Variants in TNR observed in about 807,000 individuals in gnomAD.
TNR encodes the protein tenascin-R.
A neutral mutation model predicts 150.4 loss-of-function variants in TNR; 45 were observed. The ratio of observed to expected loss-of-function variants is 0.30; its 90% CI spans 0.24 to 0.38. The LOEUF is 0.38. Among genes scored for constraint, TNR ranks in the 10% least tolerant of loss-of-function variants. The pLI, the probability that TNR is intolerant of heterozygous loss-of-function variation, is 1.00. For synonymous variants in TNR, 687 were observed against 678.4 expected (o/e 1.01, Z -0.20); for missense variants, 1,544 against 1,759.1 (o/e 0.88, Z 2.19).
chr1:175,467,820 A>G (rs1657098842), intron 2 of TNR, among the ~76,000 whole-genome samples: 1 of 152,164 alleles, frequency 6.6e-6, no homozygotes, highest in Non-Finnish European at 1.5e-5. Context: ...CATTTATTGA[A>G]TTTTGAACTC....
chr1:175,702,440 C>T (rs534094762), intron 1 of TNR, among the ~76,000 whole-genome samples: 1 of 152,350 alleles, frequency 6.6e-6, no homozygotes, highest in African/African-American at 2.4e-5. Flanking sequence ...AGCTTCCAGA[C>T]CCACAGACAG....
At chr1:175,490,071 A>G (rs918259118) in intron 2 of TNR, among the ~76,000 whole-genome samples, 3 of 152,222 alleles carry the variant, frequency 2.0e-5, no homozygotes, top group Non-Finnish European at 4.4e-5. Flanking sequence ...ATAAGATTGC[A>G]TATCTACAAC....
intron 1 of TNR, among the ~76,000 whole-genome samples, chr1:175,562,181 T>A (rs1661456784): frequency 6.6e-6 from 1 of 152,228 alleles, no homozygotes; most frequent in African/African-American, 2.4e-5. Context: ...TAAGCTATAT[T>A]GTTATATTTA....
At chr1:175,328,805 AGAG>A (rs1488158941) in intron 21 of TNR, among the ~76,000 whole-genome samples, 8 of 152,334 alleles carry the variant, frequency 5.3e-5, no homozygotes, top group African/African-American at 1.7e-4. Context: ...AGGCGGATGA[AGAG>A]GAGGGAGGGA....
chr1:175,641,548 A>G (rs924729498), intron 1 of TNR, among the ~76,000 whole-genome samples: 1 of 152,188 alleles, frequency 6.6e-6, no homozygotes, highest in Non-Finnish European at 1.5e-5. Flanking sequence ...CTCATGGGGC[A>G]AAGAGTTTTT....
At chr1:175,455,393 G>A (rs948094827) in intron 2 of TNR, among the ~76,000 whole-genome samples, 7 of 152,188 alleles carry the variant, frequency 4.6e-5, no homozygotes, top group Admixed American at 6.5e-5. Context: ...AATGAAAAAC[G>A]AAAAACCTTA....
chr1:175,522,118 T>C (rs1292180544), intron 2 of TNR, among the ~76,000 whole-genome samples: 1 of 152,142 alleles, frequency 6.6e-6, no homozygotes, highest in Non-Finnish European at 1.5e-5. Context: ...CCACTCCACT[T>C]CTCCTTTTTT....
intron 2 of TNR, among the ~76,000 whole-genome samples, chr1:175,470,081 A>G (rs1470750742): frequency 6.6e-6 from 1 of 152,172 alleles, no homozygotes; most frequent in Non-Finnish European, 1.5e-5. Context: ...TGTGAGGAGT[A>G]AAGTGTGGAG....
chr1:175,598,606 G>A (rs1663104380), intron 1 of TNR, among the ~76,000 whole-genome samples: 1 of 152,244 alleles, frequency 6.6e-6, no homozygotes, highest in Non-Finnish European at 1.5e-5. Flanking sequence ...TGGTGACTGT[G>A]AGAATCCAAA....
chr1:175,456,017 G>C (rs1379554430), intron 2 of TNR, among the ~76,000 whole-genome samples: 1 of 152,146 alleles, frequency 6.6e-6, no homozygotes. Flanking sequence ...AAGATGTGTG[G>C]TCACCTCACC....
intron 1 of TNR, among the ~76,000 whole-genome samples, chr1:175,705,623 T>C (rs937230873): frequency 6.6e-5 from 10 of 151,984 alleles, no homozygotes; most frequent in African/African-American, 2.4e-4. Flanking sequence ...GTGTGTGTAT[T>C]TGGCTGAAGT....
intron 1 of TNR, among the ~76,000 whole-genome samples, chr1:175,645,090 A>C (rs1267944801): frequency 6.6e-6 from 1 of 152,208 alleles, no homozygotes; most frequent in Non-Finnish European, 1.5e-5. Context: ...ATTTTTTATT[A>C]CAATTTTAGC....
At chr1:175,418,678 T>C (rs998355879) in intron 2 of TNR, among the ~76,000 whole-genome samples, 4 of 151,358 alleles carry the variant, frequency 2.6e-5, no homozygotes, top group Admixed American at 2.6e-4. Flanking sequence ...GAGCCGAGAT[T>C]GTGCCGCTGC....
At chr1:175,326,157 T>G (rs12091179) in intron 21 of TNR, among the ~76,000 whole-genome samples, 7,793 of 152,168 alleles carry the variant, frequency 0.051, 656 homozygotes, top group African/African-American at 0.18. Flanking sequence ...TGTTCTCTTT[T>G]GGGGATATTG....
At chr1:175,696,004 G>C (rs1274147770) in intron 1 of TNR, among the ~76,000 whole-genome samples, 1 of 152,012 alleles carries the variant, frequency 6.6e-6, no homozygotes, top group Middle Eastern at 3.2e-3. Flanking sequence ...ATGGATGGAT[G>C]GATGGATGGA....
intron 2 of TNR, among the ~76,000 whole-genome samples, chr1:175,446,191 G>T (rs1347196632): frequency 6.6e-6 from 1 of 152,202 alleles, no homozygotes; most frequent in Non-Finnish European, 1.5e-5. Context: ...CACAAACGAA[G>T]TTCTTGGTTT....
At chr1:175,571,372 T>A (rs547311285) in intron 1 of TNR, among the ~76,000 whole-genome samples, 1 of 152,194 alleles carries the variant, frequency 6.6e-6, no homozygotes, top group African/African-American at 2.4e-5. Flanking sequence ...CCTGTGTGTA[T>A]ATTATCTAAT....
At chr1:175,508,623 A>G (rs550876462) in intron 2 of TNR, among the ~76,000 whole-genome samples, 60 of 152,358 alleles carry the variant, frequency 3.9e-4, no homozygotes, top group African/African-American at 1.4e-3. Context: ...AGAGGCCCAC[A>G]TGATGAGAAG....
At chr1:175,723,088 C>G (rs12022099) in intron 1 of TNR, among the ~76,000 whole-genome samples, 35,889 of 152,088 alleles carry the variant, frequency 0.24, 4,634 homozygotes, top group African/African-American at 0.33. Context: ...CTGTGCCCAG[C>G]CTCTAATATA....
Sources: gnomAD v4.1 joint callset for allele counts (sites outside exome capture counted in the v4.1 genomes callset) on GRCh38, gnomAD v4.1.1 for gene constraint, MANE v1.5 for transcripts, NCBI Gene and HGNC (gene_info 2026-07-23, HGNC 2026-07-21) for gene names.